DISC1: variants seen among roughly 807,000 people sequenced by gnomAD.
DISC1 encodes disrupted in schizophrenia 1 protein.
Under a neutral mutation model 84.5 loss-of-function variants are expected in DISC1, and 57 were observed. That is an observed-to-expected ratio of 0.67 (90% confidence interval 0.55 to 0.84). The LOEUF is 0.84. DISC1 is among the 40% of genes least tolerant of loss of function. The pLI, the probability that DISC1 is intolerant of heterozygous loss-of-function variation, is 0.00. For synonymous variants in DISC1, 411 were observed against 415.2 expected (o/e 0.99, Z 0.12); for missense variants, 1,000 against 1,057.8 (o/e 0.95, Z 0.76).
chr1:231,998,231 TTAAAAGA>T (rs2102949733), intron 10 of DISC1, among the ~76,000 whole-genome samples: 1 of 151,788 alleles, frequency 6.6e-6, no homozygotes, highest in East Asian at 1.9e-4. Flanking sequence ...GAGGGAAAAC[TTAAAAGA>T]TAAATGAAAC....
At chr1:231,934,895 A>T (rs933550513) in intron 9 of DISC1, among the ~76,000 whole-genome samples, 1 of 152,284 alleles carries the variant, frequency 6.6e-6, no homozygotes. Flanking sequence ...GTTGATTTAG[A>T]GAGCGGTTTG....
At chr1:231,990,174 G>T (rs183414116) in intron 10 of DISC1, among the ~76,000 whole-genome samples, 41 of 152,094 alleles carry the variant, frequency 2.7e-4, no homozygotes, top group Admixed American at 2.7e-3. Context: ...TCTTAGTATT[G>T]TCTGGTGGTT....
intron 1 of DISC1, among the ~76,000 whole-genome samples, chr1:231,659,656 A>T (rs955068574): frequency 6.6e-6 from 1 of 152,184 alleles, no homozygotes; most frequent in Non-Finnish European, 1.5e-5. Flanking sequence ...CCTGTGTCCC[A>T]GAGATTCTAG....
chr1:231,722,682 A>G, intron 3 of DISC1: 1 of 1,604,464 alleles, frequency 6.2e-7, no homozygotes, highest in South Asian at 1.1e-5. Flanking sequence ...ACATCATGAA[A>G]AGAAAAAGAG....
chr1:231,987,129 G>C (rs1469920141), intron 10 of DISC1, among the ~76,000 whole-genome samples: 1 of 152,198 alleles, frequency 6.6e-6, no homozygotes, highest in Non-Finnish European at 1.5e-5. Flanking sequence ...ATGTCAGCCT[G>C]TTTGCTCTCT....
At chr1:231,637,541 T>C (rs925211014) in intron 1 of DISC1, among the ~76,000 whole-genome samples, 11 of 152,220 alleles carry the variant, frequency 7.2e-5, no homozygotes, top group Admixed American at 4.6e-4. Flanking sequence ...TTCCACTTTC[T>C]ACATCCACGT....
At chr1:231,955,882 T>C (rs575053170) in intron 9 of DISC1, among the ~76,000 whole-genome samples, 89 of 152,348 alleles carry the variant, frequency 5.8e-4, no homozygotes, top group Non-Finnish European at 8.2e-4. Flanking sequence ...CACTTATCAC[T>C]AACTCCTGCT....
chr1:231,629,086 C>T (rs201303235), intron 1 of DISC1, among the ~76,000 whole-genome samples: 11 of 152,190 alleles, frequency 7.2e-5, no homozygotes, highest in Non-Finnish European at 1.0e-4. Context: ...ACTGTTAATC[C>T]TGGCAAAAGA....
At chr1:231,928,963 T>G (rs892815163) in intron 9 of DISC1, among the ~76,000 whole-genome samples, 2 of 152,122 alleles carry the variant, frequency 1.3e-5, no homozygotes, top group African/African-American at 4.8e-5. Flanking sequence ...TGCTGAGGAG[T>G]GTTTTACTTC....
intron 3 of DISC1, among the ~76,000 whole-genome samples, chr1:231,732,565 G>C (rs2071663105): frequency 6.6e-6 from 1 of 152,178 alleles, no homozygotes; most frequent in Non-Finnish European, 1.5e-5. Flanking sequence ...ATCCTTTGTA[G>C]ACATAGCCAC....
chr1:231,811,832 C>T (rs896682435), intron 8 of DISC1, among the ~76,000 whole-genome samples: 2 of 152,192 alleles, frequency 1.3e-5, no homozygotes, highest in Non-Finnish European at 2.9e-5. Flanking sequence ...GATCTTAGAA[C>T]TCTGAAACTC....
chr1:231,852,632 G>A (rs1253286020), intron 9 of DISC1, among the ~76,000 whole-genome samples: 1 of 152,206 alleles, frequency 6.6e-6, no homozygotes, highest in Admixed American at 6.5e-5. Flanking sequence ...TGATTCCTCA[G>A]GCTTCACAGT....
chr1:231,744,964 A>G (rs2073801646), intron 3 of DISC1, among the ~76,000 whole-genome samples: 1 of 152,192 alleles, frequency 6.6e-6, no homozygotes, highest in Non-Finnish European at 1.5e-5. Context: ...ATAATGAGCC[A>G]CTGATAAACA....
chr1:231,652,533 A>G (rs910042959), intron 1 of DISC1, among the ~76,000 whole-genome samples: 1 of 152,180 alleles, frequency 6.6e-6, no homozygotes. Context: ...ATATTTAAAA[A>G]CATAGGCATT....
chr1:231,963,490 C>T (rs902780719), intron 10 of DISC1, among the ~76,000 whole-genome samples: 16 of 152,088 alleles, frequency 1.1e-4, no homozygotes, highest in African/African-American at 3.9e-4. Flanking sequence ...TGCTCCCCCA[C>T]CCCTCTGCAT....
intron 8 of DISC1, among the ~76,000 whole-genome samples, chr1:231,816,637 A>G (rs1380217621): frequency 1.3e-5 from 2 of 152,146 alleles, no homozygotes; most frequent in Non-Finnish European, 2.9e-5. Flanking sequence ...GTAGATAGCT[A>G]GTTGTTCCAG....
chr1:231,837,852 A>T (rs1027323065), intron 9 of DISC1, among the ~76,000 whole-genome samples: 2 of 152,196 alleles, frequency 1.3e-5, no homozygotes, highest in African/African-American at 4.8e-5. Flanking sequence ...TGCTGGAAAA[A>T]AATAGTTCCT....
chr1:231,733,710 GGTA>G (rs1232700034), intron 3 of DISC1, among the ~76,000 whole-genome samples: 2 of 125,784 alleles, frequency 1.6e-5, no homozygotes, highest in South Asian at 5.0e-4. Flanking sequence ...TGGTAGGAAT[GGTA>G]GTGGTGGTGG....
At chr1:231,958,361 A>G (rs11122381) in intron 9 of DISC1, among the ~76,000 whole-genome samples, 32,759 of 152,086 alleles carry the variant, frequency 0.22, 3,819 homozygotes, top group African/African-American at 0.26. Flanking sequence ...GCAGAATCCC[A>G]TGTTTATGTT....
Sources: allele counts gnomAD v4.1 joint callset (sites outside exome capture counted in the v4.1 genomes callset), GRCh38; gene constraint gnomAD v4.1.1; transcripts MANE v1.5; gene names NCBI Gene and HGNC (gene_info 2026-07-23, HGNC 2026-07-21).